Variants in CPQ observed in about 807,000 individuals in gnomAD.
CPQ encodes the protein carboxypeptidase Q, also known as Ser-Met dipeptidase.
Under a neutral mutation model 45.7 loss-of-function variants are expected in CPQ, and 37 were observed. The ratio of observed to expected loss-of-function variants is 0.81; its 90% confidence interval spans 0.62 to 1.07. The LOEUF is 1.07. Ranked by LOEUF, CPQ falls within the 50% of genes least tolerant of loss-of-function variation. The pLI is 0.00. For synonymous variants in CPQ, 186 were observed against 205.8 expected, an observed-to-expected ratio of 0.90 and a Z score of 0.82; for missense variants, 537 against 572.9, an observed-to-expected ratio of 0.94 and a Z score of 0.64.
intron 1 of CPQ, among the ~76,000 whole-genome samples, chr8:96,748,934 C>T (rs1325143460): frequency 6.6e-6 from 1 of 152,048 alleles, no homozygotes; most frequent in Non-Finnish European, 1.5e-5. Context: ...TTTTCAAGAC[C>T]CAGTAGATTT....
intron 6 of CPQ, among the ~76,000 whole-genome samples, chr8:97,035,450 G>A (rs1331664918): frequency 2.0e-5 from 3 of 152,132 alleles, no homozygotes; most frequent in Admixed American, 6.5e-5. Flanking sequence ...CTGAAGAGGT[G>A]GGAAGTTGTA....
At chr8:97,047,301 A>G (rs920445817) in intron 6 of CPQ, among the ~76,000 whole-genome samples, 14 of 152,246 alleles carry the variant, frequency 9.2e-5, no homozygotes, top group Non-Finnish European at 1.6e-4. Flanking sequence ...GACTTCAGCC[A>G]TGACTTCTAT....
At chr8:96,863,380 G>A (rs989925932) in intron 3 of CPQ, among the ~76,000 whole-genome samples, 1 of 151,940 alleles carries the variant, frequency 6.6e-6, no homozygotes, top group Non-Finnish European at 1.5e-5. Flanking sequence ...ATGTATGATA[G>A]GGGAAGACAT....
At chr8:96,904,901 C>T (rs1363288480) in intron 4 of CPQ, among the ~76,000 whole-genome samples, 3 of 152,084 alleles carry the variant, frequency 2.0e-5, no homozygotes. Flanking sequence ...CCTGTATGAG[C>T]TGATTACTGT....
Position 96,735,310 on chromosome 8 carries a change from C to T in CPQ, c.-34-49554C>T, listed in dbSNP as rs138320765. Among the ~76,000 whole-genome samples, 685 of 152,250 alleles carry T rather than the reference C, an allele frequency of 4.5e-3. 6 individuals are homozygous for T. Among genetic ancestry groups the T allele is most frequent in the Middle Eastern group, 0.034 (10 of 294 alleles). On this transcript the variant is annotated intron_variant, in intron 1 of 7. Coordinates refer to ENST00000220763, the MANE Select transcript of CPQ (RefSeq NM_016134.4). ...CTTCAATAACTTCCAGCTGAATCTGCGAATGCATGTGCTCAGCCCATTGTC... is the reference window on the plus strand; with the variant it reads ...CTTCAATAACTTCCAGCTGAATCTGTGAATGCATGTGCTCAGCCCATTGTC...
chr8:97,061,333 G>C (rs868536922), intron 6 of CPQ, among the ~76,000 whole-genome samples: 1 of 152,094 alleles, frequency 6.6e-6, no homozygotes, highest in Non-Finnish European at 1.5e-5. Flanking sequence ...TTCTGTCCAA[G>C]TATACCTTGT....
At chr8:96,925,448 A>T (rs1812860249) in intron 4 of CPQ, among the ~76,000 whole-genome samples, 1 of 148,762 alleles carries the variant, frequency 6.7e-6, no homozygotes, top group Non-Finnish European at 1.5e-5. Context: ...CATTGGTGTG[A>T]TCTTGGCTCA....
At chr8:97,011,209 T>A (rs1809479187) in intron 5 of CPQ, among the ~76,000 whole-genome samples, 1 of 152,244 alleles carries the variant, frequency 6.6e-6, no homozygotes, top group Non-Finnish European at 1.5e-5. Flanking sequence ...TTGTTCAACT[T>A]CTGACTGTCT....
At chr8:97,016,382 C>T (rs1809580284) in intron 5 of CPQ, among the ~76,000 whole-genome samples, 1 of 152,208 alleles carries the variant, frequency 6.6e-6, no homozygotes, top group Admixed American at 6.5e-5. Context: ...GCATCTTTTA[C>T]CAACTTTCTA....
chr8:96,989,434 A>C (rs1586482626), intron 5 of CPQ, among the ~76,000 whole-genome samples: 1 of 60,682 alleles, frequency 1.6e-5, no homozygotes, highest in Admixed American at 2.5e-4. Context: ...AGCGGAGGGA[A>C]GGGGAGGGGA....
chr8:96,801,100 C>T (rs1259060579), intron 2 of CPQ, among the ~76,000 whole-genome samples: 1 of 151,794 alleles, frequency 6.6e-6, no homozygotes, highest in Admixed American at 6.6e-5. Flanking sequence ...CTCAGCCTCC[C>T]GAGTAGCTGG....
chr8:96,968,761 T>C (rs973620976), intron 5 of CPQ, among the ~76,000 whole-genome samples: 1 of 152,244 alleles, frequency 6.6e-6, no homozygotes, highest in African/African-American at 2.4e-5. Context: ...TCTTCTTCTT[T>C]GTCTTCCCCT....
Position 97,075,486 on chromosome 8 carries a change from G to A in CPQ, c.1255+9276G>A, listed in dbSNP as rs146812341. ...AATGAGATATGGACCCTTCTCTCCTGGAGCTCACAATTGAAAACTGATTTT... is the reference window on the plus strand; with the variant it reads ...AATGAGATATGGACCCTTCTCTCCTAGAGCTCACAATTGAAAACTGATTTT... On this transcript the variant is annotated intron_variant, in intron 7 of 7. Transcript: ENST00000220763. Among the ~76,000 whole-genome samples, 95 of 152,182 alleles carry A rather than the reference G, an allele frequency of 6.2e-4. No homozygotes were observed. In the East Asian group the frequency reaches 0.017, roughly 28 times the overall value.
intron 7 of CPQ, among the ~76,000 whole-genome samples, chr8:97,081,448 C>T (rs919790302): frequency 2.6e-5 from 4 of 152,208 alleles, no homozygotes; most frequent in Non-Finnish European, 5.9e-5. Context: ...GCTTCACACT[C>T]TTGACTGTAC....
At chr8:96,837,390 A>ATT (rs887730409) in intron 3 of CPQ, among the ~76,000 whole-genome samples, 1 of 152,146 alleles carries the variant, frequency 6.6e-6, no homozygotes, top group Non-Finnish European at 1.5e-5. Flanking sequence ...TTTAATGGAC[A>ATT]TTTTTCAGGC....
chr8:96,803,037 C>A (rs1811027514), intron 2 of CPQ, among the ~76,000 whole-genome samples: 1 of 151,530 alleles, frequency 6.6e-6, no homozygotes, highest in Non-Finnish European at 1.5e-5. Flanking sequence ...TCTTTGGAGG[C>A]CAAGAAGTCT....
intron 4 of CPQ, among the ~76,000 whole-genome samples, chr8:96,956,952 G>A (rs989961172): frequency 6.6e-6 from 1 of 152,216 alleles, no homozygotes; most frequent in Non-Finnish European, 1.5e-5. Context: ...CAGGCATGGA[G>A]CCTTTCAAAG....
intron 1 of CPQ, among the ~76,000 whole-genome samples, chr8:96,747,980 A>G (rs1810211963): frequency 6.6e-6 from 1 of 152,200 alleles, no homozygotes; most frequent in African/African-American, 2.4e-5. Context: ...TACGGATTTC[A>G]TTTCAGGTTT....
chr8:96,999,377 C>A (rs1012457952), intron 5 of CPQ, among the ~76,000 whole-genome samples: 2 of 151,740 alleles, frequency 1.3e-5, no homozygotes, highest in African/African-American at 4.8e-5. Flanking sequence ...TTTCCTTGTC[C>A]TCTCCCTCTT....
Sources: gnomAD v4.1 joint callset for allele counts (sites outside exome capture counted in the v4.1 genomes callset) on GRCh38, gnomAD v4.1.1 for gene constraint, MANE v1.5 for transcripts, NCBI Gene and HGNC (gene_info 2026-07-23, HGNC 2026-07-21) for gene names.